The following COX10 variants were observed in gnomAD, a reference collection of about 807,000 sequenced individuals.
COX10 encodes the protein cytochrome c oxidase assembly factor heme A:farnesyltransferase COX10.
COX10 carries 27 observed loss-of-function variants against 37.3 expected under a neutral mutation model. The observed-to-expected ratio is 0.72, with a 90% CI of 0.53 to 1.00. The LOEUF is 1.00. Among genes scored for constraint, COX10 ranks in the 50% least tolerant of loss-of-function variants. The pLI is 0.00. For synonymous variants in COX10, 222 were observed against 229.1 expected, an observed-to-expected ratio of 0.97 and a Z score of 0.28; for missense variants, 475 against 563.2, an observed-to-expected ratio of 0.84 and a Z score of 1.59.
rs546284268 is a variant in COX10, at chr17:14,193,588, G to C, written c.928+1367G>C. ...TGGGAAAGAGTGCTGGGGTCCTTTG[G>C]TGAGGTTTGCAGTGGATGAGGGAAG... is the stretch of plus-strand genomic sequence containing the variant. On this transcript the variant is annotated intron_variant, in intron 6 of 6. Coordinates refer to ENST00000261643, the MANE Select transcript of COX10 (RefSeq NM_001303.4). Among the ~76,000 whole-genome samples the C allele has an allele frequency of 2.4e-4, 35 of 146,966 alleles. 1 individual carries two copies. The highest frequency in any genetic ancestry group is 7.4e-4 in the African/African-American group (30 of 40,336).
In COX10 at chr17:14,139,219, G is replaced by A. The variant is rs1450689191; in HGVS notation, c.625-20658G>A. The stretch of plus-strand genomic sequence containing the variant: ...GTCTTTTTTTTATCAATATAAAAAA[G>A]GCACTGGTGTTCAATATTTTGCATG... On this transcript the variant is annotated intron_variant, in intron 4 of 6. Coordinates refer to ENST00000261643, the MANE Select transcript of COX10 (RefSeq NM_001303.4). 2.0e-5 allele frequency among the ~76,000 whole-genome samples: 3 copies of A among 152,130 alleles called. No individual in the cohort carries two copies. The South Asian group carries it at 6.2e-4, about 32-fold the overall frequency.
chr17:14,166,721 C>T (rs551475087), intron 5 of COX10, among the ~76,000 whole-genome samples: 5 of 149,660 alleles, frequency 3.3e-5, no homozygotes, highest in South Asian at 2.1e-4. Flanking sequence ...AAGCGATTCT[C>T]CTGCCTCAGC....
At position 14,207,152 on chromosome 17, in the gene COX10, T is replaced by C. The variant is rs1906732505; in HGVS notation, c.1271T>C (p.Leu424Pro). 1.2e-6 allele frequency: 2 copies of C among 1,612,784 alleles called. No individual in the cohort carries two copies. Among genetic ancestry groups the C allele is most frequent in the South Asian group, 1.1e-5 (1 of 91,082 alleles). ...CSLWHLPLLLLLMLTCKRPSG... is the reference protein window; with the variant it reads ...CSLWHLPLLLPLMLTCKRPSG... ...CTGTGGCACCTGCCGCTGCTGCTGC[T>C]GCTCATGCTCACCTGCAAGCGGCCG... The change falls in exon 7 of 7, where the codon CTG (leucine) becomes CCG (proline). Residue 424 changes from leucine (L) to proline (P), a missense_variant. Transcript: ENST00000261643.
intron 5 of COX10, chr17:14,179,347 A>G (rs71366136): frequency 3.6e-6 from 1 of 277,278 alleles, no homozygotes. Flanking sequence ...TATTTCTTAA[A>G]GATGTCAAGG....
At chr17:14,169,908 G>A (rs1449551512) in intron 5 of COX10, among the ~76,000 whole-genome samples, 1 of 152,170 alleles carries the variant, frequency 6.6e-6, no homozygotes, top group Non-Finnish European at 1.5e-5. Context: ...ATGGCTTGGT[G>A]CTGTTGTCAT....
chr17:14,130,918 A>G (rs1484038181), intron 4 of COX10, among the ~76,000 whole-genome samples: 1 of 152,130 alleles, frequency 6.6e-6, no homozygotes, highest in African/African-American at 2.4e-5. Flanking sequence ...TTGAAAACCC[A>G]TGATTTAGTC....
At chr17:14,160,304 G>A (rs1238234858) in intron 5 of COX10, among the ~76,000 whole-genome samples, 1 of 152,166 alleles carries the variant, frequency 6.6e-6, no homozygotes, top group Non-Finnish European at 1.5e-5. Flanking sequence ...TCAGAAGAAG[G>A]ATATGTCTGA....
intron 5 of COX10, among the ~76,000 whole-genome samples, chr17:14,179,724 A>G (rs919880622): frequency 3.3e-5 from 5 of 151,534 alleles, no homozygotes; most frequent in African/African-American, 9.7e-5. Flanking sequence ...TGAATTATCT[A>G]TTTTCCAGCT....
At chr17:14,100,037 C>T (rs577795674) in intron 3 of COX10, among the ~76,000 whole-genome samples, 8 of 152,210 alleles carry the variant, frequency 5.3e-5, no homozygotes, top group Non-Finnish European at 8.8e-5. Context: ...CAGGTCCTAA[C>T]AATTCTCTAA....
chr17:14,115,956 C>T (rs1410272601), intron 4 of COX10, among the ~76,000 whole-genome samples: 2 of 152,164 alleles, frequency 1.3e-5, no homozygotes, highest in African/African-American at 4.8e-5. Flanking sequence ...AGAGCCCAGA[C>T]TTCACCACTG....
chr17:14,147,748 C>A (rs887364474), intron 4 of COX10, among the ~76,000 whole-genome samples: 1 of 148,566 alleles, frequency 6.7e-6, no homozygotes, highest in Non-Finnish European at 1.5e-5. Flanking sequence ...TCTCATGTAC[C>A]CCATGTACCT....
intron 4 of COX10, among the ~76,000 whole-genome samples, chr17:14,136,252 G>A (rs1262929963): frequency 6.6e-6 from 1 of 151,848 alleles, no homozygotes; most frequent in South Asian, 2.1e-4. Context: ...TAATATTTGG[G>A]TATGCAAACA....
At chr17:14,100,736 A>G (rs1274173460) in intron 3 of COX10, among the ~76,000 whole-genome samples, 2 of 152,244 alleles carry the variant, frequency 1.3e-5, no homozygotes, top group Non-Finnish European at 2.9e-5. Context: ...CAATGTTCAA[A>G]GCAGCGATGT....
intron 4 of COX10, among the ~76,000 whole-genome samples, chr17:14,113,519 C>T (rs1176405397): frequency 6.6e-6 from 1 of 152,142 alleles, no homozygotes; most frequent in Non-Finnish European, 1.5e-5. Context: ...AGTTTTCTCT[C>T]TTATTTTCAT....
At chr17:14,115,836 A>G (rs1916098497) in intron 4 of COX10, among the ~76,000 whole-genome samples, 1 of 152,296 alleles carries the variant, frequency 6.6e-6, no homozygotes, top group Middle Eastern at 3.4e-3. Context: ...ACACATGGCC[A>G]TAGAATATGA....
intron 1 of COX10, among the ~76,000 whole-genome samples, chr17:14,071,899 C>T (rs1915033837): frequency 6.6e-6 from 1 of 151,466 alleles, no homozygotes; most frequent in Admixed American, 6.6e-5. Context: ...GACTCCATCT[C>T]AAAAAATAAA....
intron 3 of COX10, among the ~76,000 whole-genome samples, chr17:14,092,118 A>G (rs959408252): frequency 2.6e-5 from 4 of 152,154 alleles, no homozygotes; most frequent in Non-Finnish European, 4.4e-5. Flanking sequence ...GGTTCAAGGA[A>G]AAGCGATAAT....
intron 5 of COX10, among the ~76,000 whole-genome samples, chr17:14,167,133 C>T (rs1905312868): frequency 6.6e-6 from 1 of 152,062 alleles, no homozygotes; most frequent in African/African-American, 2.4e-5. Flanking sequence ...AATGTATGAC[C>T]TTGAGGAGTT....
At position 14,069,509 on chromosome 17, in the gene COX10, T is replaced by A; in HGVS notation, c.-97T>A. ...GCCGGAAGTGGCGGCCCGGAACTAC[T>A]CCCACAGGGGGGCGGGGAAGGAAGA... On this transcript the variant is annotated 5_prime_UTR_variant, in exon 1 of 7. Coordinates refer to ENST00000261643, the MANE Select transcript of COX10 (RefSeq NM_001303.4). 6.8e-7 allele frequency: 1 copy of A among 1,469,820 alleles called. No individual in the cohort carries two copies. Among genetic ancestry groups the A allele is most frequent in the Non-Finnish European group, 9.4e-7 (1 of 1,059,850 alleles). 91.0% of individuals were successfully genotyped at this position (1,469,820 alleles called of 1,614,324 possible).
Sources: gnomAD v4.1 joint callset for allele counts (sites outside exome capture counted in the v4.1 genomes callset) on GRCh38, gnomAD v4.1.1 for gene constraint, MANE v1.5 for transcripts, NCBI Gene and HGNC (gene_info 2026-07-23, HGNC 2026-07-21) for gene names.